The following RASGRP3 variants were observed in gnomAD, a reference collection of about 807,000 sequenced individuals.
The protein encoded by RASGRP3 is RAS guanyl releasing protein 3.
Under a neutral mutation model 82.7 loss-of-function variants are expected in RASGRP3, and 54 were observed. The ratio of observed to expected loss-of-function variants is 0.65; its 90% CI spans 0.52 to 0.82. RASGRP3 has a LOEUF of 0.82. Ranked by LOEUF, RASGRP3 falls within the 40% of genes least tolerant of loss-of-function variation. The pLI, the probability that RASGRP3 is intolerant of heterozygous loss-of-function variation, is 0.00. For synonymous variants in RASGRP3, 309 were observed against 300.5 expected (o/e 1.03, Z -0.29); for missense variants, 861 against 828.9 (o/e 1.04, Z -0.48).
At chr2:33,467,530 G>A (rs971810690) in intron 2 of RASGRP3, among the ~76,000 whole-genome samples, 1 of 152,212 alleles carries the variant, frequency 6.6e-6, no homozygotes, top group Non-Finnish European at 1.5e-5. Flanking sequence ...TTACTGAGCT[G>A]GAGGAATATG....
chr2:33,484,536 A>AT (rs1436130112), intron 1 of RASGRP3, among the ~76,000 whole-genome samples: 6,493 of 145,992 alleles, frequency 0.044, 369 homozygotes, highest in African/African-American at 0.14. Flanking sequence ...TTTAGAGATC[A>AT]TTTTTTTTTT....
chr2:33,494,897 A>C (rs1031581726), intron 1 of RASGRP3, among the ~76,000 whole-genome samples: 1 of 152,260 alleles, frequency 6.6e-6, no homozygotes, highest in Non-Finnish European at 1.5e-5. Context: ...GGAAATAAAT[A>C]CTAATGTCTT....
At chr2:33,500,255 T>G (rs1669740569) in intron 1 of RASGRP3, among the ~76,000 whole-genome samples, 1 of 152,080 alleles carries the variant, frequency 6.6e-6, no homozygotes. Flanking sequence ...ACTTTCTATT[T>G]ATGTAAGACC....
intron 2 of RASGRP3, among the ~76,000 whole-genome samples, chr2:33,512,295 C>G (rs974743305): frequency 6.6e-6 from 1 of 152,160 alleles, no homozygotes; most frequent in Non-Finnish European, 1.5e-5. Context: ...TGAACACCTT[C>G]CCCAGACAGC....
chr2:33,477,267 A>G (rs1667459473), intron 1 of RASGRP3, among the ~76,000 whole-genome samples: 1 of 152,210 alleles, frequency 6.6e-6, no homozygotes, highest in South Asian at 2.1e-4. Flanking sequence ...TAATATTTAG[A>G]TTCACATTAG....
intron 1 of RASGRP3, among the ~76,000 whole-genome samples, chr2:33,478,362 C>T (rs1389012464): frequency 6.6e-6 from 1 of 152,180 alleles, no homozygotes; most frequent in East Asian, 1.9e-4. Context: ...TGGTCTGTGA[C>T]TTCCCTGTCT....
chr2:33,486,516 A>T (rs773064730), intron 1 of RASGRP3, among the ~76,000 whole-genome samples: 1 of 152,228 alleles, frequency 6.6e-6, no homozygotes, highest in Non-Finnish European at 1.5e-5. Context: ...TTGCACAAAC[A>T]TGAAGAATAT....
intron 1 of RASGRP3, among the ~76,000 whole-genome samples, chr2:33,497,279 T>A (rs1558446132): frequency 2.0e-5 from 3 of 152,190 alleles, no homozygotes; most frequent in Non-Finnish European, 2.9e-5. Flanking sequence ...AAACAAAGTT[T>A]GAAAAGAAGC....
intron 1 of RASGRP3, among the ~76,000 whole-genome samples, chr2:33,442,489 G>C (rs932082934): frequency 6.6e-6 from 1 of 152,210 alleles, no homozygotes; most frequent in Non-Finnish European, 1.5e-5. Context: ...AATGTACAGA[G>C]CTAAGTCTCT....
intron 2 of RASGRP3, chr2:33,513,947 A>C (rs1203078315): frequency 2.0e-5 from 3 of 152,182 alleles, no homozygotes; most frequent in African/African-American, 7.2e-5. Context: ...AAGTAATAAG[A>C]AGAAAGGGAA....
intron 1 of RASGRP3, among the ~76,000 whole-genome samples, chr2:33,499,330 G>T (rs1348757523): frequency 2.0e-5 from 3 of 152,160 alleles, no homozygotes; most frequent in Non-Finnish European, 4.4e-5. Context: ...GACCGAGGTG[G>T]GTGGATCGCC....
chr2:33,557,984 A>G (rs1439942490), intron 15 of RASGRP3, among the ~76,000 whole-genome samples: 1 of 152,094 alleles, frequency 6.6e-6, no homozygotes, highest in Non-Finnish European at 1.5e-5. Flanking sequence ...TGCATACAGA[A>G]CCAAGCTGAG....
intron 1 of RASGRP3, among the ~76,000 whole-genome samples, chr2:33,441,414 C>A (rs982726654): frequency 1.3e-5 from 2 of 152,208 alleles, no homozygotes; most frequent in East Asian, 3.8e-4. Flanking sequence ...CTCCTTGTCC[C>A]TGGCTGCTCT....
At chr2:33,520,829 GC>G (rs1671959521) in intron 6 of RASGRP3, 145 bp downstream of exon 6, 1 of 1,092,652 alleles carries the variant, frequency 9.2e-7, no homozygotes, top group African/African-American at 1.6e-5. Flanking sequence ...GTGAGCGCAA[GC>G]CGTATGGGAC....
At chr2:33,561,369 G>T (rs1285440528) in intron 17 of RASGRP3, among the ~76,000 whole-genome samples, 1 of 152,108 alleles carries the variant, frequency 6.6e-6, no homozygotes, top group East Asian at 1.9e-4. Context: ...GCCCAGCTGT[G>T]TTTTTATCTC....
chr2:33,477,542 G>A (rs572012967), intron 1 of RASGRP3, among the ~76,000 whole-genome samples: 2 of 152,326 alleles, frequency 1.3e-5, no homozygotes, highest in Non-Finnish European at 2.9e-5. Context: ...TTAACTCTGG[G>A]AGGCCTGGCA....
At chr2:33,445,350 C>G (rs1296105098) in intron 1 of RASGRP3, among the ~76,000 whole-genome samples, 1 of 152,160 alleles carries the variant, frequency 6.6e-6, no homozygotes, top group Non-Finnish European at 1.5e-5. Flanking sequence ...TGGTTCTTGT[C>G]TTATTCCATG....
At chr2:33,471,047 T>G (rs972930810) in intron 2 of RASGRP3, among the ~76,000 whole-genome samples, 15 of 152,282 alleles carry the variant, frequency 9.9e-5, no homozygotes, top group Non-Finnish European at 8.8e-5. Context: ...ACTTCCAGTA[T>G]TTTACCATTA....
intron 1 of RASGRP3, among the ~76,000 whole-genome samples, chr2:33,509,556 T>C (rs897222055): frequency 2.6e-5 from 4 of 152,248 alleles, no homozygotes; most frequent in Admixed American, 1.3e-4. Flanking sequence ...CATAACACTT[T>C]AGTCATTGTA....
Sources: gnomAD v4.1 joint callset for allele counts (sites outside exome capture counted in the v4.1 genomes callset) on GRCh38, gnomAD v4.1.1 for gene constraint, MANE v1.5 for transcripts, NCBI Gene and HGNC (gene_info 2026-07-23, HGNC 2026-07-21) for gene names.